Variants in SCFD2 observed in about 807,000 individuals in gnomAD.
The protein encoded by SCFD2 is sec1 family domain-containing protein 2.
In SCFD2, 54 loss-of-function variants were observed where a neutral mutation model predicts 58.9. The ratio of observed to expected loss-of-function variants is 0.92; its 90% CI spans 0.74 to 1.15. SCFD2 has a LOEUF of 1.15. Ranked by LOEUF, SCFD2 falls within the 50% of genes most tolerant of loss-of-function variation. The probability of loss-of-function intolerance (pLI) is 0.00; values close to 1 mark genes in which losing one functional copy is unlikely to be tolerated. For missense variants in SCFD2, 805 were observed against 836.6 expected (o/e 0.96, Z 0.47); for synonymous variants, 321 against 335.9 (o/e 0.96, Z 0.49).
chr4:53,276,267 G>A lies in SCFD2; in HGVS notation c.1136-2266C>T, dbSNP rs185844019. ...TGAAAAAGTTTTATAGCAAAAAAGC[G>A]TACAATACAGTCCATTGAAATGCAG... is the stretch of plus-strand genomic sequence containing the variant. On this transcript the variant is annotated intron_variant, in intron 3 of 8. Transcript: ENST00000401642. Among the ~76,000 whole-genome samples the A allele has an allele frequency of 1.6e-3, 248 of 152,038 alleles. 1 individual carries two copies. Among genetic ancestry groups the A allele is most frequent in the African/African-American group, 2.7e-3 (111 of 41,494 alleles).
chr4:52,921,682 C>A (rs1560481782), intron 5 of SCFD2, among the ~76,000 whole-genome samples: 1 of 152,130 alleles, frequency 6.6e-6, no homozygotes, highest in Non-Finnish European at 1.5e-5. Context: ...ATTGCCAAGG[C>A]CCTGCCCATA....
chr4:53,246,535 T>C (rs201537289), intron 4 of SCFD2, among the ~76,000 whole-genome samples: 3 of 152,018 alleles, frequency 2.0e-5, no homozygotes, highest in Non-Finnish European at 4.4e-5. Context: ...AGCCCAGAAA[T>C]AAGGCTGCAC....
At chr4:53,128,169 C>A (rs144422188) in intron 5 of SCFD2, among the ~76,000 whole-genome samples, 7 of 150,444 alleles carry the variant, frequency 4.7e-5, no homozygotes, top group Non-Finnish European at 7.4e-5. Context: ...CAAGAAAAAA[C>A]GTAAAGATAA....
intron 7 of SCFD2, among the ~76,000 whole-genome samples, chr4:52,895,951 A>T (rs1323414189): frequency 1.3e-5 from 2 of 152,142 alleles, no homozygotes; most frequent in Non-Finnish European, 2.9e-5. Flanking sequence ...TTGGCTGCAT[A>T]AATGTCTTCT....
At chr4:52,914,032 A>G (rs1389248911) in intron 6 of SCFD2, among the ~76,000 whole-genome samples, 2 of 152,216 alleles carry the variant, frequency 1.3e-5, no homozygotes, top group African/African-American at 2.4e-5. Context: ...ATATTTCCTT[A>G]ACAACTGGCA....
At chr4:53,275,913 A>T (rs1731312453) in intron 3 of SCFD2, among the ~76,000 whole-genome samples, 1 of 151,926 alleles carries the variant, frequency 6.6e-6, no homozygotes, top group African/African-American at 2.4e-5. Context: ...ATCATAGTTT[A>T]TTTAGCCATT....
intron 4 of SCFD2, among the ~76,000 whole-genome samples, chr4:53,225,561 ACC>A (rs1445809765): frequency 6.6e-6 from 1 of 152,176 alleles, no homozygotes; most frequent in Non-Finnish European, 1.5e-5. Context: ...AGTTGATAAC[ACC>A]CTATATAAAA....
intron 5 of SCFD2, among the ~76,000 whole-genome samples, chr4:53,140,392 A>AAAATATATATATATATATATATATAT (rs369140110): frequency 0.03 from 2,865 of 96,886 alleles, 391 homozygotes; most frequent in Non-Finnish European, 0.037. Flanking sequence ...CAAAAATGCT[A>AAAATATATATATATATATATATATAT]ATATATATAT....
intron 4 of SCFD2, among the ~76,000 whole-genome samples, chr4:53,242,126 T>C (rs1729913122): frequency 1.3e-5 from 2 of 152,240 alleles, no homozygotes; most frequent in Admixed American, 6.5e-5. Context: ...CTGACAAGCA[T>C]GTAGCCTGCT....
chr4:52,920,579 A>G (rs1002542131), intron 6 of SCFD2, 146 bp downstream of exon 6: 6 of 494,814 alleles, frequency 1.2e-5, no homozygotes, highest in African/African-American at 1.2e-4. Flanking sequence ...CGTGGGACCC[A>G]AAACTCTGAA....
chr4:52,929,581 A>C (rs1176038573), intron 5 of SCFD2, among the ~76,000 whole-genome samples: 1 of 152,200 alleles, frequency 6.6e-6, no homozygotes, highest in Non-Finnish European at 1.5e-5. Context: ...CGTGGTGGGA[A>C]GCCTGAAGGA....
intron 2 of SCFD2, among the ~76,000 whole-genome samples, chr4:53,335,701 T>A (rs1448569412): frequency 6.6e-6 from 1 of 152,136 alleles, no homozygotes; most frequent in Non-Finnish European, 1.5e-5. Flanking sequence ...TTTTGTATGT[T>A]TAGAATTATT....
At chr4:53,020,863 C>T (rs1325423337) in intron 5 of SCFD2, among the ~76,000 whole-genome samples, 1 of 152,052 alleles carries the variant, frequency 6.6e-6, no homozygotes, top group African/African-American at 2.4e-5. Flanking sequence ...CTGTTCCTGC[C>T]CTTTGATGAA....
intron 4 of SCFD2, among the ~76,000 whole-genome samples, chr4:53,239,389 GGGGAGAGTGAGAGGGAGA>G (rs1328774507): frequency 9.7e-6 from 1 of 102,874 alleles, no homozygotes; most frequent in Non-Finnish European, 2.1e-5. Flanking sequence ...GGGAGACCGT[GGGGAGAGTGAGAGGGAGA>G]GGGAGAGGGA....
chr4:53,044,912 C>CCCCCCT (rs1553872116), intron 5 of SCFD2, among the ~76,000 whole-genome samples: 1 of 14,172 alleles, frequency 7.1e-5, no homozygotes, highest in African/African-American at 1.1e-4. Flanking sequence ...CCCAACCCCC[C>CCCCCCT]CCCCCCGCCC....
chr4:52,893,204 C>T (rs1473460474), intron 7 of SCFD2, among the ~76,000 whole-genome samples: 1 of 151,934 alleles, frequency 6.6e-6, no homozygotes, highest in Non-Finnish European at 1.5e-5. Context: ...CTCTCCTCTC[C>T]TCTCCCTTTC....
chr4:53,059,129 G>A (rs149455694), intron 5 of SCFD2, among the ~76,000 whole-genome samples: 6 of 152,222 alleles, frequency 3.9e-5, no homozygotes, highest in African/African-American at 1.4e-4. Flanking sequence ...ACTCCAGCCA[G>A]GTGACTGATC....
intron 4 of SCFD2, among the ~76,000 whole-genome samples, chr4:53,168,405 C>T (rs1389066157): frequency 2.6e-5 from 4 of 152,156 alleles, no homozygotes; most frequent in African/African-American, 9.7e-5. Context: ...CAGATAAGAG[C>T]TCACAACTCA....
chr4:53,356,235 T>C (rs544873387), intron 1 of SCFD2, among the ~76,000 whole-genome samples: 1 of 152,180 alleles, frequency 6.6e-6, no homozygotes, highest in Non-Finnish European at 1.5e-5. Flanking sequence ...GAGCCAGTGA[T>C]CCAAAAGAAC....
Sources: allele counts gnomAD v4.1 joint callset (sites outside exome capture counted in the v4.1 genomes callset), GRCh38; gene constraint gnomAD v4.1.1; transcripts MANE v1.5; gene names NCBI Gene and HGNC (gene_info 2026-07-23, HGNC 2026-07-21).